Variants in RABGAP1L observed in about 807,000 individuals in gnomAD.
RABGAP1L encodes the protein rab GTPase-activating protein 1-like.
Under a neutral mutation model 137.7 loss-of-function variants are expected in RABGAP1L, and 63 were observed. The observed-to-expected ratio is 0.46, with a 90% CI of 0.37 to 0.56. The LOEUF is 0.56. Among genes scored for constraint, RABGAP1L ranks in the 20% least tolerant of loss-of-function variants. The pLI is 0.00. For missense variants in RABGAP1L, 1,095 were observed against 1,244.0 expected, an observed-to-expected ratio of 0.88 and a Z score of 1.80; for synonymous variants, 431 against 433.7, an observed-to-expected ratio of 0.99 and a Z score of 0.08.
At chr1:174,329,317 T>C (rs1392622946) in intron 11 of RABGAP1L, among the ~76,000 whole-genome samples, 1 of 152,126 alleles carries the variant, frequency 6.6e-6, no homozygotes, top group Non-Finnish European at 1.5e-5. Flanking sequence ...CAGACTGATG[T>C]TGAGTAGCAA....
At chr1:174,301,602 G>T (rs539082497) in intron 10 of RABGAP1L, among the ~76,000 whole-genome samples, 1 of 152,036 alleles carries the variant, frequency 6.6e-6, no homozygotes, top group African/African-American at 2.4e-5. Context: ...TGAAGAGTGA[G>T]GAAGGTGGAG....
intron 19 of RABGAP1L, among the ~76,000 whole-genome samples, chr1:174,870,689 T>A (rs7543595): frequency 0.024 from 3,665 of 152,266 alleles, 59 homozygotes; most frequent in Middle Eastern, 0.085. Flanking sequence ...AGATTTTGTG[T>A]TTAGGACATA....
intron 1 of RABGAP1L, among the ~76,000 whole-genome samples, chr1:174,215,479 T>G (rs1295392810): frequency 6.7e-6 from 1 of 149,960 alleles, no homozygotes; most frequent in Admixed American, 6.6e-5. Context: ...ATAATAATAA[T>G]AAAATAAAAT....
Position 174,839,973 on chromosome 1 carries a change from G to A in RABGAP1L, c.2340+28013G>A, listed in dbSNP as rs115629571. Reference sequence around the variant, plus strand: ...GTAGAACAGCCAAGAAACTATGGGAGGAATTTCAAGGAACCAGATAATATA... The same window carrying A: ...GTAGAACAGCCAAGAAACTATGGGAAGAATTTCAAGGAACCAGATAATATA... On this transcript the variant is annotated intron_variant, in intron 19 of 25. Transcript: ENST00000681986. 9.0e-3 allele frequency among the ~76,000 whole-genome samples: 1,369 copies of A among 152,198 alleles called. 23 individuals carry two copies. Among genetic ancestry groups the A allele is most frequent in the African/African-American group, 0.032 (1,320 of 41,518 alleles).
At chr1:174,291,037 G>A (rs1676552563) in intron 10 of RABGAP1L, among the ~76,000 whole-genome samples, 3 of 152,132 alleles carry the variant, frequency 2.0e-5, no homozygotes, top group South Asian at 4.1e-4. Context: ...TGGGATTACA[G>A]GCATGAGCCA....
intron 13 of RABGAP1L, among the ~76,000 whole-genome samples, chr1:174,422,081 T>C (rs1451395515): frequency 6.6e-6 from 1 of 152,170 alleles, no homozygotes; most frequent in Non-Finnish European, 1.5e-5. Flanking sequence ...TGATGAAAGT[T>C]TATCATCATT....
intron 13 of RABGAP1L, among the ~76,000 whole-genome samples, chr1:174,635,160 C>G (rs935117148): frequency 2.0e-5 from 3 of 152,164 alleles, no homozygotes; most frequent in East Asian, 1.9e-4. Flanking sequence ...CTGAATCAGA[C>G]TATTGGAACC....
chr1:174,774,750 C>T (rs1051383807), intron 18 of RABGAP1L, among the ~76,000 whole-genome samples: 4 of 151,940 alleles, frequency 2.6e-5, no homozygotes, highest in South Asian at 2.1e-4. Context: ...CACGATGGCA[C>T]GTGCCTGTAG....
chr1:174,438,725 C>CAAT (rs1558234823), intron 13 of RABGAP1L, among the ~76,000 whole-genome samples: 1 of 108,246 alleles, frequency 9.2e-6, no homozygotes, highest in Non-Finnish European at 2.0e-5. Flanking sequence ...CAAAAAAAAC[C>CAAT]CAAAAAAAGT....
chr1:174,954,293 G>A (rs1485051828), intron 19 of RABGAP1L: 1 of 152,128 alleles, frequency 6.6e-6, no homozygotes, highest in African/African-American at 2.4e-5. Context: ...AGCTTGGAAG[G>A]TTTCCTAGCA....
Position 174,848,836 on chromosome 1 carries a change from G to C in RABGAP1L, c.2340+36876G>C, listed in dbSNP as rs562476691. On this transcript the variant is annotated intron_variant, in intron 19 of 25. Coordinates refer to ENST00000681986, the MANE Select transcript of RABGAP1L (RefSeq NM_001366446.1). ...GCGCCCCTCCCCCAGCTTCGCTGCC[G>C]CCTTGCAGTTTGATCTCAGACTGCT... Among the ~76,000 whole-genome samples the C allele has an allele frequency of 6.5e-4, 97 of 148,912 alleles. 1 individual carries two copies. In the South Asian group the frequency reaches 0.02, roughly 30 times the overall value.
At chr1:174,600,891 C>G (rs1484631710) in intron 13 of RABGAP1L, among the ~76,000 whole-genome samples, 1 of 152,242 alleles carries the variant, frequency 6.6e-6, no homozygotes, top group African/African-American at 2.4e-5. Context: ...TGGGCACTGC[C>G]TGTGTTGGGA....
intron 11 of RABGAP1L, among the ~76,000 whole-genome samples, chr1:174,340,582 G>C (rs935139782): frequency 5.3e-5 from 8 of 152,084 alleles, no homozygotes; most frequent in Non-Finnish European, 1.0e-4. Context: ...CTCCATCCAT[G>C]TTCCTACAAA....
intron 19 of RABGAP1L, among the ~76,000 whole-genome samples, chr1:174,919,042 A>G (rs1282694205): frequency 1.4e-5 from 2 of 146,972 alleles, no homozygotes; most frequent in African/African-American, 5.0e-5. Flanking sequence ...TTTTTGAGAC[A>G]GAGTCTTGCT....
intron 19 of RABGAP1L, chr1:174,935,191 T>C (rs1422062649): frequency 6.6e-6 from 1 of 152,256 alleles, no homozygotes; most frequent in Non-Finnish European, 1.5e-5. Context: ...TAAAGCTGAT[T>C]CCCTTCTTAA....
intron 1 of RABGAP1L, among the ~76,000 whole-genome samples, chr1:174,165,437 A>ACCGTG (rs1379332251): frequency 6.6e-6 from 1 of 151,640 alleles, no homozygotes; most frequent in Non-Finnish European, 1.5e-5. Flanking sequence ...GGCGTGAGCC[A>ACCGTG]CCGTGCCCGG....
chr1:174,813,322 ATATAT>A (rs1690065084), intron 19 of RABGAP1L, among the ~76,000 whole-genome samples: 1 of 152,140 alleles, frequency 6.6e-6, no homozygotes, highest in Non-Finnish European at 1.5e-5. Context: ...AGATTTCCTG[ATATAT>A]TAAATGTGAG....
At chr1:174,972,415 A>G (rs559421944) in intron 21 of RABGAP1L, among the ~76,000 whole-genome samples, 1 of 152,264 alleles carries the variant, frequency 6.6e-6, no homozygotes, top group Admixed American at 6.5e-5. Context: ...TCATGATTAA[A>G]TCACACATTG....
intron 13 of RABGAP1L, among the ~76,000 whole-genome samples, chr1:174,417,040 CA>C (rs1650675829): frequency 6.6e-6 from 1 of 151,984 alleles, no homozygotes; most frequent in African/African-American, 2.4e-5. Flanking sequence ...CTAAAATAAG[CA>C]AGTAGTTGGA....
Sources: allele counts gnomAD v4.1 joint callset (sites outside exome capture counted in the v4.1 genomes callset), GRCh38; gene constraint gnomAD v4.1.1; transcripts MANE v1.5; gene names NCBI Gene and HGNC (gene_info 2026-07-23, HGNC 2026-07-21).